DRC3: variants seen among roughly 807,000 people sequenced by gnomAD.
DRC3 encodes leucine rich repeat containing 48.
A neutral mutation model predicts 57.6 loss-of-function variants in DRC3; 45 were observed. That is an observed-to-expected ratio of 0.78 (90% CI 0.62 to 1.00). DRC3 has a LOEUF of 1.00. DRC3 is among the 50% of genes least tolerant of loss of function. DRC3 has a pLI of 0.00. For synonymous variants in DRC3, 257 were observed against 272.3 expected, an observed-to-expected ratio of 0.94 and a Z score of 0.55; for missense variants, 655 against 675.2, an observed-to-expected ratio of 0.97 and a Z score of 0.33.
chr17:18,016,823 C>A lies in DRC3; in HGVS notation c.*152C>A. 1 of 487,698 alleles carries A rather than the reference C, an allele frequency of 2.1e-6. No homozygotes were observed. Among genetic ancestry groups the A allele is most frequent in the South Asian group, 3.1e-5 (1 of 32,580 alleles). The allele number at this position is 487,698 out of a possible 1,614,324, so 30.2% of individuals were successfully genotyped here. A position where few individuals can be genotyped will look rare whatever the true frequency, so the allele number is the denominator to read the frequency against. Reference sequence around the variant, plus strand: ...CATTCTTCCCCCACCCCTGGAAAAACTTCCAAAAGTAGAGAAAATAAAGGA... The same window carrying A: ...CATTCTTCCCCCACCCCTGGAAAAAATTCCAAAAGTAGAGAAAATAAAGGA... On this transcript the variant is annotated 3_prime_UTR_variant, in exon 14 of 14. Coordinates refer to ENST00000399187, the MANE Select transcript of DRC3 (RefSeq NM_031294.4).
intron 3 of DRC3, chr17:17,981,487 A>G (rs4925133): frequency 0.45 from 69,803 of 155,064 alleles, 16,826 homozygotes; most frequent in South Asian, 0.75. Context: ...CGCTGTAGCC[A>G]TGCAAGCTGC....
intron 5 of DRC3, chr17:17,988,336 C>A: frequency 1.9e-6 from 1 of 535,942 alleles, no homozygotes; most frequent in Non-Finnish European, 3.3e-6. Flanking sequence ...AGTGGCGGTT[C>A]TTTCCCTGTG....
At chr17:18,015,227 C>T (rs569105974) in intron 12 of DRC3, 5 of 152,254 alleles carry the variant, frequency 3.3e-5, no homozygotes, top group East Asian at 1.9e-4. Flanking sequence ...TTGCACAGAA[C>T]GTTTTAGAGA....
intron 12 of DRC3, among the ~76,000 whole-genome samples, chr17:18,012,265 C>T (rs547959563): frequency 1.2e-4 from 18 of 152,288 alleles, no homozygotes; most frequent in African/African-American, 4.3e-4. Context: ...GGGGAAAAGA[C>T]AGTCTCTTCA....
intron 2 of DRC3, among the ~76,000 whole-genome samples, chr17:17,975,619 C>T (rs1309233520): frequency 6.7e-6 from 1 of 149,310 alleles, no homozygotes; most frequent in Non-Finnish European, 1.5e-5. Context: ...TATGGGAAAC[C>T]GCAGGGGAAG....
rs756240634 is a variant in DRC3, at chr17:18,016,592, G to C, written c.1493G>C (p.Arg498Pro). The C allele has an allele frequency of 6.2e-6, 10 of 1,613,746 alleles. No homozygotes were observed. The highest frequency in any genetic ancestry group is 1.3e-5 in the African/African-American group (1 of 74,920). Residue 498 changes from arginine to proline, a missense_variant, in exon 14 of 14, where the codon CGC (arginine) becomes CCC (proline). Transcript: ENST00000399187. ...GATGAGATCATGAGGAACCGCAAGC[G>C]CGTGAAGGAGATCAATCAGTACATC... The part of the protein sequence containing the change: ...HKDEIMRNRK[R>P]VKEINQYIDH...
intron 12 of DRC3, among the ~76,000 whole-genome samples, chr17:18,009,293 C>A (rs912830427): frequency 1.3e-5 from 2 of 152,136 alleles, no homozygotes; most frequent in Non-Finnish European, 2.9e-5. Flanking sequence ...CTGGTGGTCC[C>A]AGCTACTTGG....
intron 9 of DRC3, among the ~76,000 whole-genome samples, chr17:18,002,646 G>C (rs994428996): frequency 2.0e-5 from 3 of 152,124 alleles, no homozygotes; most frequent in Non-Finnish European, 1.5e-5. Context: ...CCTTTTATAG[G>C]AGACTCCGGT....
chr17:18,013,900 T>C (rs1186148746), intron 12 of DRC3, among the ~76,000 whole-genome samples: 1 of 151,906 alleles, frequency 6.6e-6, no homozygotes, highest in African/African-American at 2.4e-5. Flanking sequence ...CCCATCAATA[T>C]GTACAGTTAT....
intron 5 of DRC3, among the ~76,000 whole-genome samples, chr17:17,990,181 C>T (rs1010857901): frequency 2.0e-5 from 3 of 152,236 alleles, no homozygotes; most frequent in African/African-American, 7.2e-5. Flanking sequence ...AGGGTCTACA[C>T]TGACCCTCAG....
intron 3 of DRC3, 94 bp downstream of exon 3, chr17:17,977,852 A>C (rs2042461261): frequency 2.2e-6 from 3 of 1,354,848 alleles, no homozygotes; most frequent in Non-Finnish European, 3.0e-6. Flanking sequence ...TGCAAAGTCC[A>C]CGGTCGAGGT....
intron 9 of DRC3, among the ~76,000 whole-genome samples, chr17:18,002,644 A>G (rs1192169746): frequency 6.6e-6 from 1 of 152,138 alleles, no homozygotes; most frequent in African/African-American, 2.4e-5. Flanking sequence ...GGCCTTTTAT[A>G]GGAGACTCCG....
chr17:17,988,824 GGTAT>G (rs1171989910), intron 5 of DRC3, among the ~76,000 whole-genome samples: 1 of 152,140 alleles, frequency 6.6e-6, no homozygotes, highest in African/African-American at 2.4e-5. Context: ...AGTTGTGACT[GGTAT>G]GTAAGTCTGT....
chr17:18,014,777 A>G (rs2044295246), intron 12 of DRC3, among the ~76,000 whole-genome samples: 1 of 152,030 alleles, frequency 6.6e-6, no homozygotes. Flanking sequence ...CAGGACACCC[A>G]CTCCTAAGCA....
At chr17:17,993,934 T>TCG in intron 6 of DRC3, 4 of 255,272 alleles carry the variant, frequency 1.6e-5, no homozygotes, top group Non-Finnish European at 3.1e-5. Context: ...GAAGGCCTGC[T>TCG]GAGGGCTGTT....
chr17:18,004,661 T>C (rs2043879878), intron 10 of DRC3, 167 bp downstream of exon 10: 1 of 663,744 alleles, frequency 1.5e-6, no homozygotes, highest in Non-Finnish European at 2.5e-6. Context: ...TTTATTACAT[T>C]TTAATCATTT....
At chr17:18,003,484 TAAAAAAAA>T (rs71155309) in intron 9 of DRC3, among the ~76,000 whole-genome samples, 4 of 30,124 alleles carry the variant, frequency 1.3e-4, no homozygotes, top group Non-Finnish European at 1.2e-4. Flanking sequence ...ACTACGTCTT[TAAAAAAAA>T]AAAAAAAAAA....
chr17:18,010,868 A>C (rs1337071544), intron 12 of DRC3: 4 of 366,124 alleles, frequency 1.1e-5, no homozygotes, highest in Admixed American at 6.4e-5. Context: ...GAAGAGATCT[A>C]TCTCTTCTCC....
intron 9 of DRC3, among the ~76,000 whole-genome samples, chr17:18,003,488 A>T (rs2043823756): frequency 7.9e-6 from 1 of 125,822 alleles, no homozygotes; most frequent in African/African-American, 3.6e-5. Context: ...CGTCTTTAAA[A>T]AAAAAAAAAA....
Sources: allele counts gnomAD v4.1 joint callset (sites outside exome capture counted in the v4.1 genomes callset), GRCh38; gene constraint gnomAD v4.1.1; transcripts MANE v1.5; gene names NCBI Gene and HGNC (gene_info 2026-07-23, HGNC 2026-07-21).